CACNA2D3: variants seen among roughly 807,000 people sequenced by gnomAD.
CACNA2D3 encodes the protein calcium voltage-gated channel auxiliary subunit alpha2delta 3, also known as voltage-dependent calcium channel subunit alpha-2/delta-3.
Under a neutral mutation model 160.6 loss-of-function variants are expected in CACNA2D3, and 60 were observed. The ratio of observed to expected loss-of-function variants is 0.37; its 90% CI spans 0.30 to 0.46. The LOEUF is 0.46. CACNA2D3 is among the 20% of genes least tolerant of loss of function. The pLI, the probability that CACNA2D3 is intolerant of heterozygous loss-of-function variation, is 1.00. For synonymous variants in CACNA2D3, 558 were observed against 492.9 expected (o/e 1.13, Z -1.75); for missense variants, 1,205 against 1,365.0 (o/e 0.88, Z 1.85).
intron 13 of CACNA2D3, among the ~76,000 whole-genome samples, chr3:54,790,724 C>T (rs1459660983): frequency 6.6e-6 from 1 of 152,142 alleles, no homozygotes; most frequent in Admixed American, 6.5e-5. Context: ...GTCACTCGCA[C>T]CTCTGGAGCC....
chr3:54,617,954 T>G (rs1021031451), intron 9 of CACNA2D3, among the ~76,000 whole-genome samples: 8 of 144,238 alleles, frequency 5.5e-5, no homozygotes, highest in Non-Finnish European at 1.0e-4. Context: ...AGTTTGGGTT[T>G]TTTTTTTTTT....
intron 4 of CACNA2D3, among the ~76,000 whole-genome samples, chr3:54,432,492 A>G (rs1357256704): frequency 1.3e-5 from 2 of 152,106 alleles, no homozygotes; most frequent in Non-Finnish European, 2.9e-5. Context: ...GAGGAAACGA[A>G]AAACATGCTC....
chr3:54,650,809 G>C (rs1455904683), intron 11 of CACNA2D3, among the ~76,000 whole-genome samples: 2 of 152,186 alleles, frequency 1.3e-5, no homozygotes, highest in East Asian at 3.9e-4. Flanking sequence ...CCCTCAGTGA[G>C]AGAATGTTTT....
chr3:54,311,656 A>G (rs1703745999), intron 2 of CACNA2D3, among the ~76,000 whole-genome samples: 2 of 152,206 alleles, frequency 1.3e-5, no homozygotes. Context: ...GTGCAAGTTT[A>G]CATAGAAATG....
At chr3:54,386,679 T>A in intron 3 of CACNA2D3, 36 bp from the exon 4 acceptor site, 1 of 1,526,042 alleles carries the variant, frequency 6.6e-7, no homozygotes, top group Non-Finnish European at 8.8e-7. Flanking sequence ...ATTCTGATCC[T>A]TAATGCTGTC....
rs1575418450 is a variant in CACNA2D3 at position 54,368,894 on chromosome 3, G to A, written c.322-17821G>A. On this transcript the variant is annotated intron_variant, in intron 3 of 37. Coordinates refer to ENST00000474759, the MANE Select transcript of CACNA2D3 (RefSeq NM_018398.3). Reference sequence around the variant, plus strand: ...TTTTTTGTATTTTTAGTGGAGACGGGGTTTCATTGTGTTAGCCAGGATAGT... The same window carrying A: ...TTTTTTGTATTTTTAGTGGAGACGGAGTTTCATTGTGTTAGCCAGGATAGT... 2.0e-5 allele frequency among the ~76,000 whole-genome samples: 3 copies of A among 151,306 alleles called. No homozygotes were observed. The East Asian group carries it at 5.9e-4, about 30-fold the overall frequency.
chr3:54,866,408 G>C (rs894150802), intron 17 of CACNA2D3, among the ~76,000 whole-genome samples: 1 of 152,148 alleles, frequency 6.6e-6, no homozygotes, highest in African/African-American at 2.4e-5. Flanking sequence ...TGAGGACTGC[G>C]GCTGCCTGGG....
intron 29 of CACNA2D3, among the ~76,000 whole-genome samples, chr3:54,979,250 A>G (rs1702456228): frequency 6.6e-6 from 1 of 151,978 alleles, no homozygotes; most frequent in Non-Finnish European, 1.5e-5. Flanking sequence ...TAGACAAGGT[A>G]TGAGGCTAGT....
chr3:54,515,880 C>A (rs1701542116), intron 5 of CACNA2D3, among the ~76,000 whole-genome samples: 1 of 152,240 alleles, frequency 6.6e-6, no homozygotes, highest in East Asian at 1.9e-4. Flanking sequence ...CTGTGCAGTC[C>A]CATTTGTTCT....
chr3:54,332,232 T>G lies in CACNA2D3; in HGVS notation c.321+11674T>G, dbSNP rs75921549. ...AATTAGCCCCATGTATCCTTCCTTT[T>G]TATCACAGTGTGGTGCATTTACATA... is the stretch of plus-strand genomic sequence containing the variant. On this transcript the variant is annotated intron_variant, in intron 3 of 37. Transcript: ENST00000474759. Among the ~76,000 whole-genome samples the G allele has an allele frequency of 4.6e-3, 708 of 152,362 alleles. 21 individuals are homozygous for G. In the East Asian group the frequency reaches 0.084, roughly 18 times the overall value.
rs776942792 is a variant in CACNA2D3, at chr3:55,009,378, A to T, written c.2820-10A>T. ...CGAAGTAACATTGGGCTTTTCCACG[A>T]TCTGTTTAGGTTCCTGGTGGAATTT... On this transcript the variant is annotated splice_polypyrimidine_tract_variant and intron_variant, in intron 33 of 37. Transcript: ENST00000474759. 1.2e-5 allele frequency: 20 copies of T among 1,613,368 alleles called. No homozygotes were observed. Among genetic ancestry groups the T allele is most frequent in the Non-Finnish European group, 1.1e-5 (13 of 1,179,496 alleles).
chr3:54,905,454 G>A (rs1352159679), intron 27 of CACNA2D3, among the ~76,000 whole-genome samples: 2 of 152,134 alleles, frequency 1.3e-5, no homozygotes, highest in African/African-American at 4.8e-5. Flanking sequence ...ACATTCCTTT[G>A]GTGGGATCTC....
intron 4 of CACNA2D3, among the ~76,000 whole-genome samples, chr3:54,416,010 C>A (rs1699747687): frequency 6.6e-6 from 1 of 151,908 alleles, no homozygotes; most frequent in African/African-American, 2.4e-5. Flanking sequence ...ATGCGTGAAA[C>A]CCAAAAAAAC....
At chr3:54,429,504 T>C (rs1446255119) in intron 4 of CACNA2D3, among the ~76,000 whole-genome samples, 2 of 152,172 alleles carry the variant, frequency 1.3e-5, no homozygotes, top group African/African-American at 4.8e-5. Flanking sequence ...CTAGATCCTG[T>C]TTTCACAGGA....
intron 14 of CACNA2D3, among the ~76,000 whole-genome samples, chr3:54,836,221 T>C (rs888292607): frequency 2.0e-5 from 2 of 100,972 alleles, no homozygotes; most frequent in African/African-American, 6.9e-5. Context: ...ATTCTTTTTT[T>C]TTTTCTTTTT....
chr3:54,583,023 T>C (rs1344896092), intron 9 of CACNA2D3, among the ~76,000 whole-genome samples: 2 of 152,212 alleles, frequency 1.3e-5, no homozygotes, highest in East Asian at 3.8e-4. Flanking sequence ...CTGAGAATGC[T>C]CATTCATGGT....
chr3:54,621,274 A>T (rs1698982582), intron 9 of CACNA2D3, among the ~76,000 whole-genome samples: 1 of 152,250 alleles, frequency 6.6e-6, no homozygotes, highest in Admixed American at 6.5e-5. Context: ...CATCAGTATG[A>T]TTCAACTAAA....
chr3:54,375,636 A>G (rs963981287), intron 3 of CACNA2D3, among the ~76,000 whole-genome samples: 2 of 152,204 alleles, frequency 1.3e-5, no homozygotes, highest in Admixed American at 6.5e-5. Flanking sequence ...GTACTGGGCC[A>G]GATCAAAGGA....
At chr3:55,020,505 T>C (rs555673394) in intron 35 of CACNA2D3, among the ~76,000 whole-genome samples, 62 of 151,100 alleles carry the variant, frequency 4.1e-4, no homozygotes, top group African/African-American at 1.5e-3. Context: ...ATTAATAGTA[T>C]GTAGAATGTC....
Sources: allele counts gnomAD v4.1 joint callset (sites outside exome capture counted in the v4.1 genomes callset), GRCh38; gene constraint gnomAD v4.1.1; transcripts MANE v1.5; gene names NCBI Gene and HGNC (gene_info 2026-07-23, HGNC 2026-07-21).